DCDC1: variants seen among roughly 807,000 people sequenced by gnomAD.
DCDC1 encodes doublecortin domain-containing protein 1.
Under a neutral mutation model 178.3 loss-of-function variants are expected in DCDC1, and 200 were observed. The observed-to-expected ratio is 1.12, with a 90% CI of 1.00 to 1.26. DCDC1 has a LOEUF of 1.26. DCDC1 is among the 50% of genes most tolerant of loss of function. DCDC1 has a pLI of 0.00. For synonymous variants in DCDC1, 690 were observed against 604.8 expected (o/e 1.14, Z -2.07); for missense variants, 1,983 against 1,749.2 (o/e 1.13, Z -2.38).
intron 20 of DCDC1, among the ~76,000 whole-genome samples, chr11:30,972,508 T>A (rs1590614115): frequency 1.3e-5 from 2 of 151,850 alleles, no homozygotes; most frequent in South Asian, 4.2e-4. Context: ...TCTACCATCA[T>A]GAAAACATAC....
intron 37 of DCDC1, among the ~76,000 whole-genome samples, chr11:30,880,087 T>A (rs1292511875): frequency 1.3e-5 from 2 of 152,200 alleles, no homozygotes; most frequent in African/African-American, 4.8e-5. Flanking sequence ...TTTTATAACC[T>A]ACAAACTGGG....
At chr11:31,015,505 G>C (rs1272770860) in intron 20 of DCDC1, among the ~76,000 whole-genome samples, 3 of 151,938 alleles carry the variant, frequency 2.0e-5, no homozygotes, top group African/African-American at 7.3e-5. Context: ...CTCTCCACCT[G>C]TGTTCTATCT....
chr11:31,203,687 C>T lies in DCDC1; in HGVS notation c.1221+37763G>A, dbSNP rs1971555986. Among the ~76,000 whole-genome samples, 4 of 152,210 alleles carry T rather than the reference C, an allele frequency of 2.6e-5. No individual in the cohort carries two copies. The South Asian group carries it at 6.2e-4, about 24-fold the overall frequency. On this transcript the variant is annotated intron_variant, in intron 9 of 38. Transcript: ENST00000684477. ...AAAGATACCTGCCCCAACAGTTTCA[C>T]AGGGTAGTTTTTATAAACCTATAAG...
chr11:31,209,042 G>A (rs1458373347), intron 9 of DCDC1, among the ~76,000 whole-genome samples: 2 of 152,128 alleles, frequency 1.3e-5, no homozygotes, highest in East Asian at 1.9e-4. Context: ...AGAGTGCTTG[G>A]CAGATAGTAG....
intron 12 of DCDC1, among the ~76,000 whole-genome samples, chr11:31,109,690 A>G (rs983243392): frequency 6.6e-6 from 1 of 152,214 alleles, no homozygotes; most frequent in Non-Finnish European, 1.5e-5. Context: ...GCTCGGGTGC[A>G]TAACCCCAAT....
At chr11:31,041,952 C>T (rs759266030) in intron 20 of DCDC1, among the ~76,000 whole-genome samples, 1 of 152,148 alleles carries the variant, frequency 6.6e-6, no homozygotes, top group African/African-American at 2.4e-5. Flanking sequence ...ATTTTATCAC[C>T]GAACACCATG....
intron 1 of DCDC1, among the ~76,000 whole-genome samples, chr11:31,335,983 C>T (rs547987594): frequency 9.2e-5 from 14 of 152,276 alleles, no homozygotes; most frequent in African/African-American, 3.1e-4. Flanking sequence ...TTCATTCACG[C>T]ATTATTCGTT....
intron 15 of DCDC1, among the ~76,000 whole-genome samples, chr11:31,098,585 A>G: frequency 6.6e-6 from 1 of 152,218 alleles, no homozygotes; most frequent in East Asian, 1.9e-4. Flanking sequence ...CATCAAGAAT[A>G]TCGGCTTTTG....
rs1034918951 is a variant in DCDC1, at chr11:31,234,846, T to C, written c.1221+6604A>G. ...TTCTTACAAATAATACCTGTGGGTG[T>C]TGAAACTGTTCAGGGAATCTATCAA... is the stretch of plus-strand genomic sequence containing the variant. On this transcript the variant is annotated intron_variant, in intron 9 of 38. Coordinates refer to ENST00000684477, the MANE Select transcript of DCDC1 (RefSeq NM_001387274.1). Among the ~76,000 whole-genome samples, 6 of 152,130 alleles carry C rather than the reference T, an allele frequency of 3.9e-5. No homozygotes were observed. In the South Asian group the frequency reaches 1.2e-3, roughly 31 times the overall value.
At chr11:31,256,382 C>A (rs900483739) in intron 8 of DCDC1, among the ~76,000 whole-genome samples, 2 of 152,288 alleles carry the variant, frequency 1.3e-5, no homozygotes, top group Middle Eastern at 3.4e-3. Flanking sequence ...TTCTGACCAG[C>A]TGGCTACAAA....
intron 20 of DCDC1, among the ~76,000 whole-genome samples, chr11:31,032,231 T>A (rs1302668531): frequency 6.6e-6 from 1 of 152,110 alleles, no homozygotes; most frequent in Admixed American, 6.5e-5. Context: ...CCAAGAAATA[T>A]TGCTTCAGAT....
chr11:31,232,969 C>A (rs1265635255), intron 9 of DCDC1, among the ~76,000 whole-genome samples: 1 of 151,808 alleles, frequency 6.6e-6, no homozygotes, highest in South Asian at 2.1e-4. Context: ...GTGCCTGTAA[C>A]GCCAGCTACT....
intron 1 of DCDC1, among the ~76,000 whole-genome samples, chr11:31,359,184 C>G (rs1476124366): frequency 1.4e-4 from 22 of 152,078 alleles, no homozygotes; most frequent in South Asian, 1.2e-3. Context: ...GGAACCAACC[C>G]AAATGTCCAA....
At chr11:30,947,612 A>T (rs1948131334) in intron 21 of DCDC1, among the ~76,000 whole-genome samples, 1 of 152,184 alleles carries the variant, frequency 6.6e-6, no homozygotes, top group Non-Finnish European at 1.5e-5. Flanking sequence ...TGAAACTATT[A>T]GAAGAAAACA....
chr11:31,137,162 T>C (rs1419123173), intron 10 of DCDC1, among the ~76,000 whole-genome samples: 3 of 152,120 alleles, frequency 2.0e-5, no homozygotes, highest in Non-Finnish European at 4.4e-5. Flanking sequence ...TCATGAGACT[T>C]TTTTCAGAAA....
intron 16 of DCDC1, among the ~76,000 whole-genome samples, chr11:31,092,611 C>T (rs1305304945): frequency 6.6e-6 from 1 of 152,188 alleles, no homozygotes; most frequent in Admixed American, 6.5e-5. Context: ...AACTCCAAAA[C>T]TATACTCTTT....
intron 9 of DCDC1, among the ~76,000 whole-genome samples, chr11:31,150,224 A>C (rs963044157): frequency 1.3e-5 from 2 of 152,230 alleles, no homozygotes; most frequent in African/African-American, 4.8e-5. Context: ...ATGCACCCAA[A>C]GATTGACTAA....
chr11:31,037,699 G>A (rs1400141204), intron 20 of DCDC1, among the ~76,000 whole-genome samples: 1 of 151,950 alleles, frequency 6.6e-6, no homozygotes, highest in Non-Finnish European at 1.5e-5. Flanking sequence ...TCCTGACCTC[G>A]TGATCCACCC....
chr11:31,179,790 G>T lies in DCDC1; in HGVS notation c.1222-42006C>A, dbSNP rs1231996237. Among the ~76,000 whole-genome samples the T allele has an allele frequency of 3.9e-5, 6 of 152,098 alleles. No homozygotes were observed. In the South Asian group the frequency reaches 1.0e-3, roughly 26 times the overall value. ...TTTCCAAACTCATTTTATGAGGCCAGCATTACCCTGGTTTCAAAACCAGAC... is the reference window on the plus strand; with the variant it reads ...TTTCCAAACTCATTTTATGAGGCCATCATTACCCTGGTTTCAAAACCAGAC... On this transcript the variant is annotated intron_variant, in intron 9 of 38. Transcript: ENST00000684477.
Sources: gnomAD v4.1 joint callset for allele counts (sites outside exome capture counted in the v4.1 genomes callset) on GRCh38, gnomAD v4.1.1 for gene constraint, MANE v1.5 for transcripts, NCBI Gene and HGNC (gene_info 2026-07-23, HGNC 2026-07-21) for gene names.